Variants in SLC25A3 observed in about 807,000 individuals in gnomAD.
SLC25A3 encodes solute carrier family 25 member 3.
Under a neutral mutation model 37.1 loss-of-function variants are expected in SLC25A3, and 14 were observed. The ratio of observed to expected loss-of-function variants is 0.38; its 90% CI spans 0.25 to 0.59. The LOEUF (loss-of-function observed/expected upper bound fraction) is 0.59, where lower values mean the gene tolerates loss of function less well. Among genes scored for constraint, SLC25A3 ranks in the 20% least tolerant of loss-of-function variants. The pLI, the probability that SLC25A3 is intolerant of heterozygous loss-of-function variation, is 0.67. For missense variants in SLC25A3, 385 were observed against 458.1 expected, an observed-to-expected ratio of 0.84 and a Z score of 1.46; for synonymous variants, 161 against 168.7, an observed-to-expected ratio of 0.95 and a Z score of 0.36.
At chr12:98,596,505 TC>T (rs202141635) in intron 3 of SLC25A3, among the ~76,000 whole-genome samples, 10 of 151,280 alleles carry the variant, frequency 6.6e-5, no homozygotes, top group South Asian at 2.1e-4. Context: ...AAGCTTTTCC[TC>T]CCCCCCCATT....
rs1230139938 is a variant in SLC25A3 at position 98,606,300 on chromosome 12, C to CATT, written c.*4774_*4776dup. The CATT allele has an allele frequency of 2.0e-5, 3 of 152,084 alleles. No homozygotes were observed. Among genetic ancestry groups the CATT allele is most frequent in the African/African-American group, 7.2e-5 (3 of 41,406 alleles). 9.4% of individuals were successfully genotyped at this position (152,084 alleles called of 1,614,324 possible). ...TCCTGAAATATCAAAGAATAATGTA[C>CATT]ATTAATAAGCCAGCTACTATCGGCA... On this transcript the variant is annotated 3_prime_UTR_variant, in exon 8 of 8. Transcript: ENST00000552981.
At chr12:98,595,660 A>AG (rs748325966) in intron 2 of SLC25A3, 67 bp from the exon 3 acceptor site, 1 of 1,613,778 alleles carries the variant, frequency 6.2e-7, no homozygotes, top group Non-Finnish European at 8.5e-7. Flanking sequence ...ACTGTCCAGG[A>AG]GGTAAGTTTA....
rs1237836437 is a variant in SLC25A3, at chr12:98,602,000, AT to A, written c.*477del. 3 of 180,326 alleles carry A rather than the reference AT, an allele frequency of 1.7e-5. No individual in the cohort carries two copies. The highest frequency in any genetic ancestry group is 4.8e-5 in the African/African-American group (2 of 41,644). The allele number at this position is 180,326 out of a possible 1,614,324, so 11.2% of individuals were successfully genotyped here. ...CAAGTAAATGTCAGTGTATACTTAC[AT>A]TTTTGCAGCATGTACTACACCTTTT... On this transcript the variant is annotated 3_prime_UTR_variant, in exon 8 of 8. Transcript: ENST00000552981.
In SLC25A3 at chr12:98,603,112, C is replaced by A. The variant is rs2097599135; in HGVS notation, c.*1584C>A. On this transcript the variant is annotated 3_prime_UTR_variant, in exon 8 of 8. Transcript: ENST00000552981. ...TGGTGGCTGTGGTGCTTAGCAGTAT[C>A]AACTGTATATTATTTCTTGCTATGT... The A allele has an allele frequency of 6.6e-6, 1 of 152,188 alleles. No homozygotes were observed. Among genetic ancestry groups the A allele is most frequent in the Admixed American group, 6.5e-5 (1 of 15,284 alleles). 9.4% of individuals were successfully genotyped at this position (152,188 alleles called of 1,614,324 possible).
Position 98,598,584 on chromosome 12 carries a change from T to A in SLC25A3, c.522T>A (p.Phe174Leu). ...CTGCCTCTGCCAGTGCTGAATTCTT[T>A]GCTGACATTGCCCTGGCTCCTATGG... ...YLAASASAEF[F>L]ADIALAPMEA... The change falls in exon 5 of 8, where the codon TTT becomes TTA. Residue 174 changes from phenylalanine to leucine, a missense_variant. Coordinates refer to ENST00000552981, the MANE Select transcript of SLC25A3 (RefSeq NM_002635.4). 6.2e-7 allele frequency: 1 copy of A among 1,613,944 alleles called. No homozygotes were observed. The highest frequency in any genetic ancestry group is 1.7e-4 in the Middle Eastern group (1 of 5,840).
rs4277163 is a variant in SLC25A3, at chr12:98,605,333, C to T, written c.*3805C>T. The T allele has an allele frequency of 0.31, 47,296 of 151,820 alleles. 7,806 individuals carry two copies. The highest frequency in any genetic ancestry group is 0.44 in the African/African-American group (18,011 of 41,362). The allele number at this position is 151,820 out of a possible 1,614,324, so 9.4% of individuals were successfully genotyped here. A position where few individuals can be genotyped will look rare whatever the true frequency, so the allele number is the denominator to read the frequency against. ...CTGAGGCAGGAGGATTGCTTGAGCC[C>T]GAGAGGTTGAGGCTACAGTGAGCCA... On this transcript the variant is annotated 3_prime_UTR_variant, in exon 8 of 8. Coordinates refer to ENST00000552981, the MANE Select transcript of SLC25A3 (RefSeq NM_002635.4).
Position 98,599,940 on chromosome 12 carries a change from C to T in SLC25A3, c.642-15C>T, listed in dbSNP as rs752037688. ...GTGTATGCAACTGTGTAAAACAAGT[C>T]TCTTGATTTCCTAGATTCTACAAGG... On this transcript the variant is annotated splice_polypyrimidine_tract_variant and intron_variant, in intron 5 of 7. Transcript: ENST00000552981. 5 of 1,613,246 alleles carry T rather than the reference C, an allele frequency of 3.1e-6. No homozygotes were observed. The highest frequency in any genetic ancestry group is 1.6e-4 in the Middle Eastern group (1 of 6,062).
At chr12:98,598,236 T>C (rs2097594661) in intron 4 of SLC25A3, 1 of 675,482 alleles carries the variant, frequency 1.5e-6, no homozygotes, top group Admixed American at 2.9e-5. Context: ...CCTTTTAATA[T>C]ACTATCTTGT....
At position 98,593,966 on chromosome 12, in the gene SLC25A3, C is replaced by G; in HGVS notation, c.-4-9C>G. ...CCTGTCCTCTAACCGTCGCTCCCTC[C>G]TCCCCTAGAAAGATGTTCTCGTCCG... On this transcript the variant is annotated splice_polypyrimidine_tract_variant and intron_variant, in intron 1 of 7. Coordinates refer to ENST00000552981, the MANE Select transcript of SLC25A3 (RefSeq NM_002635.4). 6.2e-7 allele frequency: 1 copy of G among 1,613,862 alleles called. No homozygotes were observed. Among genetic ancestry groups the G allele is most frequent in the Non-Finnish European group, 8.5e-7 (1 of 1,179,888 alleles).
At chr12:98,600,501 C>T (rs2097596935) in intron 6 of SLC25A3, among the ~76,000 whole-genome samples, 1 of 152,182 alleles carries the variant, frequency 6.6e-6, no homozygotes, top group African/African-American at 2.4e-5. Context: ...CAGCCTCCGC[C>T]TCCTGGGTTC....
chr12:98,599,706 TG>T (rs766237509), intron 5 of SLC25A3: 1 of 657,218 alleles, frequency 1.5e-6, no homozygotes, highest in Non-Finnish European at 2.9e-6. Context: ...TCTTGTTTCT[TG>T]TGGTTCCAGT....
In SLC25A3 at chr12:98,604,357, A is replaced by G. The variant is rs1488169952; in HGVS notation, c.*2829A>G. On this transcript the variant is annotated 3_prime_UTR_variant, in exon 8 of 8. Coordinates refer to ENST00000552981, the MANE Select transcript of SLC25A3 (RefSeq NM_002635.4). ...TGCATAGTAACTTCCAGTAGGATCA[A>G]ATATTTTGAGAGTGGTTAAAACGCC... is the stretch of plus-strand genomic sequence containing the variant. 3 of 151,640 alleles carry G rather than the reference A, an allele frequency of 2.0e-5. No homozygotes were observed. Among genetic ancestry groups the G allele is most frequent in the African/African-American group, 7.3e-5 (3 of 41,294 alleles). The allele number at this position is 151,640 out of a possible 1,614,324, so 9.4% of individuals were successfully genotyped here.
chr12:98,600,130 A>G lies in SLC25A3; in HGVS notation c.814+3A>G. ...AACATTTGTAGCAGGTTACATAGGT[A>G]CGAATTACTTAGAACACACTTGTCT... On this transcript the variant is annotated splice_donor_region_variant and intron_variant, in intron 6 of 7. Coordinates refer to ENST00000552981, the MANE Select transcript of SLC25A3 (RefSeq NM_002635.4). 1.3e-6 allele frequency: 2 copies of G among 1,558,730 alleles called. No homozygotes were observed. The highest frequency in any genetic ancestry group is 1.4e-5 in the African/African-American group (1 of 73,958).
At position 98,603,736 on chromosome 12, in the gene SLC25A3, GT is replaced by G. The variant is rs1415352553; in HGVS notation, c.*2210del. 6.6e-6 allele frequency: 1 copy of G among 152,134 alleles called. No homozygotes were observed. Among genetic ancestry groups the G allele is most frequent in the African/African-American group, 2.4e-5 (1 of 41,424 alleles). The allele number at this position is 152,134 out of a possible 1,614,324, so 9.4% of individuals were successfully genotyped here. The stretch of plus-strand genomic sequence containing the variant: ...TCAAGCTATGGAGCCTGCCACTGTA[GT>G]TACTAGAGTTACGGTTCAAAGCTAT... On this transcript the variant is annotated 3_prime_UTR_variant, in exon 8 of 8. Transcript: ENST00000552981.
chr12:98,605,463 A>G lies in SLC25A3; in HGVS notation c.*3935A>G, dbSNP rs971215245. ...TTGGGATCGACATGTCCATAATGTTAATGAAGCGCATAGCAGTCACTAGTA... is the reference window on the plus strand; with the variant it reads ...TTGGGATCGACATGTCCATAATGTTGATGAAGCGCATAGCAGTCACTAGTA... On this transcript the variant is annotated 3_prime_UTR_variant, in exon 8 of 8. Transcript: ENST00000552981. 6.6e-6 allele frequency: 1 copy of G among 151,952 alleles called. No individual in the cohort carries two copies. Among genetic ancestry groups the G allele is most frequent in the African/African-American group, 2.4e-5 (1 of 41,370 alleles). 9.4% of individuals were successfully genotyped at this position (151,952 alleles called of 1,614,324 possible). A position where few individuals can be genotyped will look rare whatever the true frequency, so the allele number is the denominator to read the frequency against.
chr12:98,601,369 T>C lies in SLC25A3; in HGVS notation c.927T>C (p.Gly309=). ...SLVLKRLGFK[G]VWKGLFARII... The stretch of plus-strand genomic sequence containing the variant: ...ATTTGCTTTTCCTGTTTGAACCAGG[T>C]GTATGGAAGGGACTGTTTGCCCGTA... Residue 309 remains glycine (G), a splice_region_variant and synonymous_variant, in exon 8 of 8, where the codon GGT becomes GGC. Transcript: ENST00000552981. 1 of 1,614,092 alleles carries C rather than the reference T, an allele frequency of 6.2e-7. No individual in the cohort carries two copies. The highest frequency in any genetic ancestry group is 1.1e-5 in the South Asian group (1 of 91,072).
chr12:98,595,934 C>A (rs2097592629), intron 3 of SLC25A3, 86 bp downstream of exon 3: 1 of 1,263,298 alleles, frequency 7.9e-7, no homozygotes, highest in Non-Finnish European at 1.2e-6. Flanking sequence ...GAAGACATCA[C>A]AACTGCTAGA....
rs1011845322 is a variant in SLC25A3, at chr12:98,603,458, C to G, written c.*1930C>G. ...GTTACAACAGTGATGTCTCAGAAAC[C>G]AAGTCCCAGATTGAGGAAAAAAGGA... is the stretch of plus-strand genomic sequence containing the variant. On this transcript the variant is annotated 3_prime_UTR_variant, in exon 8 of 8. Coordinates refer to ENST00000552981, the MANE Select transcript of SLC25A3 (RefSeq NM_002635.4). The G allele has an allele frequency of 1.5e-4, 23 of 152,096 alleles. No individual in the cohort carries two copies. The highest frequency in any genetic ancestry group is 5.3e-4 in the African/African-American group (22 of 41,406). The allele number at this position is 152,096 out of a possible 1,614,324, so 9.4% of individuals were successfully genotyped here.
At chr12:98,598,126 C>T in intron 4 of SLC25A3, 91 bp downstream of exon 4, 2 of 1,319,524 alleles carry the variant, frequency 1.5e-6, no homozygotes, top group South Asian at 1.2e-5. Flanking sequence ...TATTTTAGCA[C>T]TGAAGAAAAT....
Sources: gnomAD v4.1 joint callset for allele counts (sites outside exome capture counted in the v4.1 genomes callset) on GRCh38, gnomAD v4.1.1 for gene constraint, MANE v1.5 for transcripts, NCBI Gene and HGNC (gene_info 2026-07-23, HGNC 2026-07-21) for gene names.